Variants in GRIP1 observed in about 807,000 individuals in gnomAD.
The protein encoded by GRIP1 is glutamate receptor interacting protein 1, also known as glutamate receptor-interacting protein 1.
In GRIP1, 45 loss-of-function variants were observed where a neutral mutation model predicts 129.9. The observed-to-expected ratio is 0.35, with a 90% confidence interval of 0.27 to 0.44. The LOEUF is 0.44. GRIP1 is among the 20% of genes least tolerant of loss of function. The pLI, the probability that GRIP1 is intolerant of heterozygous loss-of-function variation, is 1.00. For missense variants in GRIP1, 1,196 were observed against 1,396.8 expected (o/e 0.86, Z 2.29); for synonymous variants, 530 against 520.8 (o/e 1.02, Z -0.24).
intron 1 of GRIP1, among the ~76,000 whole-genome samples, chr12:67,067,930 T>G (rs993694544): frequency 6.6e-5 from 10 of 152,100 alleles, no homozygotes; most frequent in African/African-American, 2.2e-4. Context: ...CCACAGCCCA[T>G]GGAGCCCCTG....
intron 7 of GRIP1, among the ~76,000 whole-genome samples, chr12:66,473,136 TG>T (rs928886238): frequency 5.3e-5 from 8 of 151,870 alleles, no homozygotes; most frequent in African/African-American, 1.9e-4. Context: ...TGAAGTTTGG[TG>T]GGGGGAGGGG....
upstream of GRIP1, among the ~76,000 whole-genome samples, chr12:66,684,056 G>A (rs17102805): frequency 6.7e-4 from 102 of 152,238 alleles, 1 homozygote; most frequent in East Asian, 0.015. Context: ...TTTGCAAAAC[G>A]GTAAAAATCA....
At chr12:66,617,445 C>T (rs1263012810) in intron 1 of GRIP1, among the ~76,000 whole-genome samples, 1 of 151,930 alleles carries the variant, frequency 6.6e-6, no homozygotes, top group Admixed American at 6.6e-5. Flanking sequence ...ACTTGAATCA[C>T]CACATGAACT....
chr12:66,606,502 A>C (rs17246511), intron 1 of GRIP1, among the ~76,000 whole-genome samples: 1,521 of 152,100 alleles, frequency 0.01, 51 homozygotes, highest in East Asian at 0.081. Context: ...AAATGATACT[A>C]ATAACTTTAT....
chr12:66,849,996 A>C (rs2039882531), intron 1 of GRIP1, among the ~76,000 whole-genome samples: 1 of 152,092 alleles, frequency 6.6e-6, no homozygotes, highest in African/African-American at 2.4e-5. Flanking sequence ...TCATCTACAA[A>C]ATGAAGGATA....
At chr12:66,767,528 T>C (rs2037679887) in intron 1 of GRIP1, among the ~76,000 whole-genome samples, 1 of 151,000 alleles carries the variant, frequency 6.6e-6, no homozygotes, top group African/African-American at 2.4e-5. Flanking sequence ...AGAAGAAGGC[T>C]AGTCACATCA....
Position 67,060,562 on chromosome 12 carries a change from TGTAATCCCAGCACTTTGGGAA to T in GRIP1, c.58+8467_58+8487del, listed in dbSNP as rs371273132. On this transcript the variant is annotated intron_variant, in intron 1 of 1. Coordinates refer to the GRIP1 transcript ENST00000643019. ...TTGGCCGGGTGTAGTGGCTCACATC[TGTAATCCCAGCACTTTGGGAA>T]GCCAAGGCAGGCAGATCACCTGAGG... 1.7e-3 allele frequency among the ~76,000 whole-genome samples: 252 copies of T among 152,286 alleles called. 1 individual carries two copies. The highest frequency in any genetic ancestry group is 6.0e-3 in the African/African-American group (248 of 41,560).
chr12:66,483,241 C>T (rs1231652798), intron 7 of GRIP1, among the ~76,000 whole-genome samples: 2 of 152,106 alleles, frequency 1.3e-5, no homozygotes, highest in Non-Finnish European at 2.9e-5. Context: ...ATTAATAGTA[C>T]CTATTCATAT....
rs150204491 is a variant in GRIP1 at position 66,401,971 on chromosome 12, G to A, written c.1984+4312C>T. Reference sequence around the variant, plus strand: ...CTCTAATGGCCCCCCATTGGTTTCTGGGATAAAATTCAAATTTCTTAACAT... The same window carrying A: ...CTCTAATGGCCCCCCATTGGTTTCTAGGATAAAATTCAAATTTCTTAACAT... On this transcript the variant is annotated intron_variant, in intron 16 of 24. Coordinates refer to ENST00000359742, the MANE Select transcript of GRIP1 (RefSeq NM_001366722.1). 2.8e-3 allele frequency among the ~76,000 whole-genome samples: 423 copies of A among 152,188 alleles called. 3 individuals carry two copies. The highest frequency in any genetic ancestry group is 4.8e-3 in the Admixed American group (74 of 15,284).
chr12:66,807,001 T>C (rs1325506901), upstream of GRIP1, among the ~76,000 whole-genome samples: 2 of 151,998 alleles, frequency 1.3e-5, no homozygotes, highest in African/African-American at 4.8e-5. Flanking sequence ...ATAAGGAAGC[T>C]GTTATTTAGG....
In GRIP1 at chr12:66,528,278, G is replaced by A. The variant is rs1167462425; in HGVS notation, c.502+1553C>T. The stretch of plus-strand genomic sequence containing the variant: ...GCCTCCTGAGTAGCTGGGACTACAG[G>A]CGCCTGCCACCACGCCCGGCTAATG... On this transcript the variant is annotated intron_variant, in intron 5 of 24. Transcript: ENST00000359742. Among the ~76,000 whole-genome samples, 3 of 152,014 alleles carry A rather than the reference G, an allele frequency of 2.0e-5. No individual in the cohort carries two copies. The East Asian group carries it at 5.8e-4, about 29-fold the overall frequency.
intron 5 of GRIP1, among the ~76,000 whole-genome samples, chr12:66,528,032 T>A (rs1428943005): frequency 3.3e-4 from 50 of 152,050 alleles, no homozygotes; most frequent in Admixed American, 3.3e-3. Context: ...CTCATTGTCA[T>A]CCTATGAGTT....
chr12:66,423,831 G>C (rs1282674599), intron 14 of GRIP1, among the ~76,000 whole-genome samples: 2 of 152,058 alleles, frequency 1.3e-5, no homozygotes, highest in African/African-American at 4.8e-5. Flanking sequence ...AAGAAGAAAA[G>C]GGCAATAAAA....
At chr12:66,715,471 T>TGTGTGTGAGAGA (rs761155485) in intron 1 of GRIP1, among the ~76,000 whole-genome samples, 3 of 110,138 alleles carry the variant, frequency 2.7e-5, no homozygotes, top group African/African-American at 1.0e-4. Context: ...TGTGTGTGTG[T>TGTGTGTGAGAGA]GAGAGAGAGA....
intron 1 of GRIP1, among the ~76,000 whole-genome samples, chr12:66,960,762 T>C (rs765693732): frequency 3.9e-5 from 6 of 152,072 alleles, no homozygotes; most frequent in South Asian, 2.1e-4. Context: ...AAACATCCTA[T>C]ATACTCAGAC....
chr12:66,549,771 T>C (rs1288502363), intron 2 of GRIP1, among the ~76,000 whole-genome samples: 1 of 152,160 alleles, frequency 6.6e-6, no homozygotes, highest in African/African-American at 2.4e-5. Flanking sequence ...GTGGCAGGGA[T>C]GTACAGCACA....
At chr12:66,887,746 G>A (rs1198603774) in intron 1 of GRIP1, among the ~76,000 whole-genome samples, 2 of 152,064 alleles carry the variant, frequency 1.3e-5, no homozygotes, top group Admixed American at 6.6e-5. Context: ...TAAAAACTTT[G>A]AAGTTCAATA....
intron 1 of GRIP1, among the ~76,000 whole-genome samples, chr12:66,883,751 G>A (rs1271563260): frequency 6.6e-6 from 1 of 152,180 alleles, no homozygotes; most frequent in African/African-American, 2.4e-5. Context: ...AGACATCCCC[G>A]TTTGGACACT....
At chr12:66,621,652 A>C (rs2065272274) in intron 1 of GRIP1, among the ~76,000 whole-genome samples, 1 of 152,116 alleles carries the variant, frequency 6.6e-6, no homozygotes, top group Non-Finnish European at 1.5e-5. Context: ...TTCTATGTTT[A>C]AGTTTTTGAG....
Sources: gnomAD v4.1 joint callset for allele counts (sites outside exome capture counted in the v4.1 genomes callset) on GRCh38, gnomAD v4.1.1 for gene constraint, MANE v1.5 for transcripts, NCBI Gene and HGNC (gene_info 2026-07-23, HGNC 2026-07-21) for gene names.